The following ERC1 variants were observed in gnomAD, a reference collection of about 807,000 sequenced individuals.
ERC1 encodes the protein ELKS/RAB6-interacting/CAST family member 1, also known as RAB6 interacting protein 2.
Under a neutral mutation model 132.0 loss-of-function variants are expected in ERC1, and 56 were observed. The ratio of observed to expected loss-of-function variants is 0.42; its 90% CI spans 0.34 to 0.53. ERC1 has a LOEUF of 0.53. ERC1 is among the 20% of genes least tolerant of loss of function. ERC1 has a pLI of 0.03. For synonymous variants in ERC1, 478 were observed against 476.1 expected (o/e 1.00, Z -0.05); for missense variants, 1,202 against 1,349.9 (o/e 0.89, Z 1.72).
intron 18 of ERC1, among the ~76,000 whole-genome samples, chr12:1,477,096 C>G (rs904839472): frequency 6.6e-6 from 1 of 151,956 alleles, no homozygotes; most frequent in African/African-American, 2.4e-5. Flanking sequence ...GAAAAAGAAG[C>G]TAGAGTTATA....
chr12:1,051,382 C>A (rs565654617), intron 2 of ERC1, among the ~76,000 whole-genome samples: 1 of 151,988 alleles, frequency 6.6e-6, no homozygotes, highest in South Asian at 2.1e-4. Flanking sequence ...ACACTTATCT[C>A]GGTATAATTA....
At chr12:1,110,395 G>A (rs376196495) in intron 5 of ERC1, 48 bp downstream of exon 5, 2 of 1,499,770 alleles carry the variant, frequency 1.3e-6, no homozygotes, top group Non-Finnish European at 1.8e-6. Context: ...TTGAAAAATT[G>A]ATGCATATTT....
At chr12:1,065,420 A>T (rs1565894404) in intron 2 of ERC1, among the ~76,000 whole-genome samples, 2 of 145,030 alleles carry the variant, frequency 1.4e-5, no homozygotes, top group Non-Finnish European at 3.0e-5. Context: ...TGTTTGTTTG[A>T]TATATATCTC....
At chr12:1,010,521 T>G (rs1166550092) in intron 1 of ERC1, among the ~76,000 whole-genome samples, 20 of 150,028 alleles carry the variant, frequency 1.3e-4, no homozygotes, top group Admixed American at 1.3e-3. Context: ...TTTTTTTTTT[T>G]TTTTTTGACA....
At chr12:1,461,670 A>G (rs1259593102) in intron 18 of ERC1, among the ~76,000 whole-genome samples, 1 of 152,200 alleles carries the variant, frequency 6.6e-6, no homozygotes, top group Non-Finnish European at 1.5e-5. Flanking sequence ...TCTGTCTCAA[A>G]AAATAATAAT....
chr12:1,270,001 T>G (rs1462132550), intron 14 of ERC1, among the ~76,000 whole-genome samples: 2 of 152,200 alleles, frequency 1.3e-5, no homozygotes, highest in East Asian at 3.9e-4. Flanking sequence ...AAAACCTAAT[T>G]AAGTTGCCAG....
intron 16 of ERC1, among the ~76,000 whole-genome samples, chr12:1,374,179 G>T (rs1285603056): frequency 6.6e-6 from 1 of 152,214 alleles, no homozygotes; most frequent in African/African-American, 2.4e-5. Context: ...GCTGGAATGT[G>T]CCTCAGTCTA....
intron 8 of ERC1, among the ~76,000 whole-genome samples, chr12:1,179,608 C>T (rs915136538): frequency 8.8e-5 from 13 of 148,336 alleles, no homozygotes; most frequent in African/African-American, 3.0e-4. Flanking sequence ...CCCGGGTTCA[C>T]GCCATTCTCC....
At chr12:1,471,417 T>C (rs547512162) in intron 18 of ERC1, among the ~76,000 whole-genome samples, 2 of 152,334 alleles carry the variant, frequency 1.3e-5, no homozygotes, top group African/African-American at 4.8e-5. Flanking sequence ...TAGACATAAG[T>C]AAGTTAGAAA....
At chr12:1,278,958 TA>T (rs199560288) in intron 14 of ERC1, among the ~76,000 whole-genome samples, 5 of 150,662 alleles carry the variant, frequency 3.3e-5, no homozygotes, top group African/African-American at 1.2e-4. Flanking sequence ...AATATAACAG[TA>T]AAAAAAAAGT....
intron 2 of ERC1, among the ~76,000 whole-genome samples, chr12:1,058,299 T>C (rs1017474899): frequency 2.6e-5 from 4 of 152,212 alleles, no homozygotes; most frequent in African/African-American, 9.6e-5. Context: ...CATTTTTTTT[T>C]CTAATAGTTT....
chr12:1,196,378 G>T (rs1312068087), intron 12 of ERC1, among the ~76,000 whole-genome samples: 1 of 152,166 alleles, frequency 6.6e-6, no homozygotes, highest in African/African-American at 2.4e-5. Context: ...TGAATCTAAG[G>T]AAGATACCCA....
intron 2 of ERC1, among the ~76,000 whole-genome samples, chr12:1,030,232 C>T (rs1331906468): frequency 1.3e-5 from 2 of 152,132 alleles, no homozygotes; most frequent in Admixed American, 6.5e-5. Flanking sequence ...GTTGGTATTA[C>T]ACTTTATTTT....
At chr12:1,232,492 T>G (rs2075119335) in intron 12 of ERC1, among the ~76,000 whole-genome samples, 1 of 152,206 alleles carries the variant, frequency 6.6e-6, no homozygotes, top group Non-Finnish European at 1.5e-5. Context: ...TCGTTTTTAA[T>G]TCACTTTTCT....
Position 1,296,538 on chromosome 12 carries a change from C to T in ERC1, c.2780+6526C>T, listed in dbSNP as rs568983295. On this transcript the variant is annotated intron_variant, in intron 15 of 18. Transcript: ENST00000360905. ...AGGCGATCCTCCTGCCTCAGCCTCC[C>T]GAGTAGCTGGGATTACAGGCATGCG... Among the ~76,000 whole-genome samples, 43 of 151,160 alleles carry T rather than the reference C, an allele frequency of 2.8e-4. 1 individual carries two copies. In the South Asian group the frequency reaches 8.6e-3, roughly 30 times the overall value.
intron 15 of ERC1, among the ~76,000 whole-genome samples, chr12:1,295,832 T>C (rs1012182239): frequency 8.6e-5 from 13 of 152,020 alleles, no homozygotes; most frequent in African/African-American, 3.1e-4. Flanking sequence ...AACTGACTTA[T>C]ATGTACTAGA....
At chr12:1,223,516 A>G (rs1200611851) in intron 12 of ERC1, among the ~76,000 whole-genome samples, 1 of 152,240 alleles carries the variant, frequency 6.6e-6, no homozygotes, top group Non-Finnish European at 1.5e-5. Context: ...GGTGATATTC[A>G]TGATATAAGT....
intron 17 of ERC1, among the ~76,000 whole-genome samples, chr12:1,440,704 G>A (rs2093126568): frequency 6.8e-6 from 1 of 146,038 alleles, no homozygotes; most frequent in South Asian, 2.2e-4. Flanking sequence ...CTGGAGTGCA[G>A]TGGTGTGATC....
At chr12:1,401,991 AG>A (rs926813841) in intron 16 of ERC1, among the ~76,000 whole-genome samples, 3 of 152,176 alleles carry the variant, frequency 2.0e-5, no homozygotes, top group African/African-American at 4.8e-5. Context: ...TTCATCTGAT[AG>A]GAGTTTTGAG....
Sources: allele counts gnomAD v4.1 joint callset (sites outside exome capture counted in the v4.1 genomes callset), GRCh38; gene constraint gnomAD v4.1.1; transcripts MANE v1.5; gene names NCBI Gene and HGNC (gene_info 2026-07-23, HGNC 2026-07-21).